Variants in CC2D2B observed in about 807,000 individuals in gnomAD.
The protein encoded by CC2D2B is coiled-coil and C2 domain containing 2B.
Under a neutral mutation model 161.2 loss-of-function variants are expected in CC2D2B, and 128 were observed. The observed-to-expected ratio is 0.79, with a 90% confidence interval of 0.69 to 0.92. The LOEUF is 0.92. Among genes scored for constraint, CC2D2B ranks in the 40% least tolerant of loss-of-function variants. The pLI is 0.00. For synonymous variants in CC2D2B, 391 were observed against 449.8 expected (o/e 0.87, Z 1.65); for missense variants, 1,173 against 1,375.1 (o/e 0.85, Z 2.32).
At chr10:95,946,447 G>C (rs1436165087) in intron 9 of CC2D2B, among the ~76,000 whole-genome samples, 3 of 152,102 alleles carry the variant, frequency 2.0e-5, no homozygotes, top group Non-Finnish European at 4.4e-5. Flanking sequence ...TAACAAGACA[G>C]GATTCTCTAG....
intron 34 of CC2D2B, among the ~76,000 whole-genome samples, chr10:96,030,988 T>G (rs1428889158): frequency 6.6e-6 from 1 of 152,184 alleles, no homozygotes; most frequent in Non-Finnish European, 1.5e-5. Context: ...CAGGAATTTT[T>G]TTAAAAAAGT....
chr10:95,939,167 G>A (rs187411894), intron 9 of CC2D2B, among the ~76,000 whole-genome samples: 2 of 152,190 alleles, frequency 1.3e-5, no homozygotes, highest in East Asian at 3.9e-4. Context: ...TATGTATGGT[G>A]CTAATTTTAC....
intron 3 of CC2D2B, among the ~76,000 whole-genome samples, chr10:95,923,612 T>G (rs1363722510): frequency 6.6e-6 from 1 of 152,206 alleles, no homozygotes; most frequent in Admixed American, 6.5e-5. Context: ...GAGCTTTGTT[T>G]TTGTTTTGTT....
chr10:95,912,652 A>T (rs2098508491), intron 2 of CC2D2B, among the ~76,000 whole-genome samples: 1 of 152,190 alleles, frequency 6.6e-6, no homozygotes, highest in Admixed American at 6.5e-5. Flanking sequence ...GTAATAGCTA[A>T]AACTAGTATA....
At position 95,955,423 on chromosome 10, in the gene CC2D2B, G is replaced by A. The variant is rs554199505; in HGVS notation, c.1041G>A (p.Leu347=). 13 of 397,908 alleles carry A rather than the reference G, an allele frequency of 3.3e-5. No homozygotes were observed. Among genetic ancestry groups the A allele is most frequent in the African/African-American group, 2.1e-4 (10 of 48,592 alleles). 24.6% of individuals were successfully genotyped at this position (397,908 alleles called of 1,614,324 possible). A position where few individuals can be genotyped will look rare whatever the true frequency, so the allele number is the denominator to read the frequency against. Residue 347 remains leucine, a synonymous_variant, in exon 11 of 35, where the codon TTG becomes TTA. Transcript: ENST00000646931. ...KLKALTDATK[L]SNENSEINQL... is the part of the protein sequence containing the mutation. The stretch of plus-strand genomic sequence containing the variant: ...AAGCACTGACAGATGCTACCAAATT[G>A]TCAAATGAAAATTCAGAAATTAACC...
At chr10:95,975,856 G>A (rs182833079) in intron 17 of CC2D2B, among the ~76,000 whole-genome samples, 28 of 152,262 alleles carry the variant, frequency 1.8e-4, no homozygotes, top group Admixed American at 6.5e-4. Flanking sequence ...GGAGCCAGTG[G>A]AAAAGTGTTT....
At chr10:95,997,337 T>C (rs534384256) in intron 24 of CC2D2B, among the ~76,000 whole-genome samples, 2 of 152,212 alleles carry the variant, frequency 1.3e-5, no homozygotes, top group South Asian at 2.1e-4. Flanking sequence ...TGTGCAAGAG[T>C]TTCTTTTTAA....
intron 6 of CC2D2B, among the ~76,000 whole-genome samples, chr10:95,936,762 A>G (rs925943147): frequency 2.0e-5 from 3 of 152,102 alleles, no homozygotes; most frequent in Non-Finnish European, 4.4e-5. Context: ...TAAAAAAAAG[A>G]CCCACAGAGT....
At chr10:95,996,649 T>A (rs1380332130) in intron 24 of CC2D2B, among the ~76,000 whole-genome samples, 1 of 152,232 alleles carries the variant, frequency 6.6e-6, no homozygotes, top group Non-Finnish European at 1.5e-5. Flanking sequence ...TAGGTATTCA[T>A]CCCTAAGTAT....
intron 24 of CC2D2B, chr10:95,999,981 C>A: frequency 1.2e-6 from 1 of 840,048 alleles, no homozygotes; most frequent in East Asian, 3.6e-5. Context: ...TCAATACACA[C>A]ATTAATTCTC....
chr10:95,988,387 A>G, intron 20 of CC2D2B, 45 bp downstream of exon 20: 1 of 910,784 alleles, frequency 1.1e-6, no homozygotes, highest in African/African-American at 1.7e-5. Context: ...GTTTTTGTGA[A>G]AACTGGTCTG....
In CC2D2B at chr10:95,974,997, G is replaced by C. The variant is rs569520645; in HGVS notation, c.1943+841G>C. Among the ~76,000 whole-genome samples the C allele has an allele frequency of 3.7e-4, 56 of 152,266 alleles. No homozygotes were observed. In the East Asian group the frequency reaches 0.01, roughly 27 times the overall value. On this transcript the variant is annotated intron_variant, in intron 17 of 34. Transcript: ENST00000646931. ...AACCCTAATGTAAACTATGGACTTTGAGTGACAATGATGTGTCAATGTAGG... is the reference window on the plus strand; with the variant it reads ...AACCCTAATGTAAACTATGGACTTTCAGTGACAATGATGTGTCAATGTAGG...
At chr10:95,973,935 T>C (rs2077229700) in intron 16 of CC2D2B, 74 bp from the exon 17 acceptor site, 1 of 744,330 alleles carries the variant, frequency 1.3e-6, no homozygotes, top group African/African-American at 1.9e-5. Flanking sequence ...CAAGTAAAAC[T>C]CAGGAAAAAA....
chr10:96,027,335 C>A lies in CC2D2B; in HGVS notation c.4071C>A (p.Ser1357Arg). The change falls in exon 34 of 35, where the codon AGC becomes AGA. Residue 1357 changes from serine to arginine, a missense_variant. Ser to Arg is a moderately radical substitution (Grantham distance 110). Coordinates refer to ENST00000646931, the MANE Select transcript of CC2D2B (RefSeq NM_001349008.3). ...CTAAGCTGGAATTTGGCATAGGAAG[C>A]TTTGTTTCATCTGAAGGAGATAATG... The part of the protein sequence containing the change: ...ILPKLEFGIG[S>R]FVSSEGDNEF... The A allele has an allele frequency of 6.4e-7, 1 of 1,550,808 alleles. No homozygotes were observed. Among genetic ancestry groups the A allele is most frequent in the Non-Finnish European group, 8.7e-7 (1 of 1,146,582 alleles).
intron 17 of CC2D2B, among the ~76,000 whole-genome samples, chr10:95,974,993 C>CT (rs1400386491): frequency 2.0e-5 from 3 of 152,062 alleles, no homozygotes; most frequent in Non-Finnish European, 4.4e-5. Flanking sequence ...AAACTATGGA[C>CT]TTTGAGTGAC....
chr10:95,982,225 T>A (rs1229644259), intron 18 of CC2D2B, 112 bp downstream of exon 18: 4 of 666,076 alleles, frequency 6.0e-6, no homozygotes, highest in Non-Finnish European at 8.4e-6. Context: ...CTCTTGGGGT[T>A]ATGTAAAAGT....
chr10:95,936,113 C>T (rs2075811715), intron 6 of CC2D2B, among the ~76,000 whole-genome samples: 1 of 152,148 alleles, frequency 6.6e-6, no homozygotes, highest in Non-Finnish European at 1.5e-5. Flanking sequence ...TATGCCAGGG[C>T]TAGGTGCTGT....
At chr10:95,931,295 G>A (rs964739098) in intron 6 of CC2D2B, among the ~76,000 whole-genome samples, 1 of 151,928 alleles carries the variant, frequency 6.6e-6, no homozygotes, top group Non-Finnish European at 1.5e-5. Flanking sequence ...TATTAGTCTG[G>A]CTAGTGGTCT....
chr10:95,928,088 G>A (rs2098542762), intron 6 of CC2D2B, among the ~76,000 whole-genome samples: 1 of 151,992 alleles, frequency 6.6e-6, no homozygotes. Flanking sequence ...GGTCCCTCCA[G>A]ATCCCTCAGG....
Sources: allele counts gnomAD v4.1 joint callset (sites outside exome capture counted in the v4.1 genomes callset), GRCh38; gene constraint gnomAD v4.1.1; transcripts MANE v1.5; gene names NCBI Gene and HGNC (gene_info 2026-07-23, HGNC 2026-07-21).